NHS: variants seen among roughly 807,000 people sequenced by gnomAD.
NHS encodes the protein NHS actin remodeling regulator.
Under a neutral mutation model 72.5 loss-of-function variants are expected in NHS, and 5 were observed. That is an observed-to-expected ratio of 0.07 (90% CI 0.04 to 0.14). The LOEUF is 0.14. Among genes scored for constraint, NHS ranks in the 10% least tolerant of loss-of-function variants. The probability of loss-of-function intolerance (pLI) is 1.00; values close to 1 mark genes in which losing one functional copy is unlikely to be tolerated. For synonymous variants in NHS, 464 were observed against 547.7 expected (o/e 0.85, Z 2.13); for missense variants, 1,072 against 1,355.7 (o/e 0.79, Z 3.29).
At chrX:17,660,976 C>G (rs905563229) in intron 1 of NHS, among the ~76,000 whole-genome samples, 3 of 112,000 alleles carry the variant, frequency 2.7e-5, no homozygotes, top group Non-Finnish European at 5.6e-5. Flanking sequence ...TCCTTTTGCT[C>G]CAATGGAGCA....
chrX:17,655,887 G>A (rs1300268417), intron 1 of NHS, among the ~76,000 whole-genome samples: 1 of 113,242 alleles, frequency 8.8e-6, no homozygotes, highest in Admixed American at 9.2e-5. Context: ...CTCATCAGAA[G>A]GCAGCATCCA....
At chrX:17,723,726 G>GGTGT (rs3222310) in intron 5 of NHS, among the ~76,000 whole-genome samples, 10,749 of 70,898 alleles carry the variant, frequency 0.15, 826 homozygotes, top group Non-Finnish European at 0.19. Flanking sequence ...CAGCAAAAGA[G>GGTGT]GTGTGTGTGT....
In NHS at chrX:17,724,423, A is replaced by G; in HGVS notation, c.1233A>G (p.Gln411=). Residue 411 remains glutamine, a synonymous_variant, in exon 6 of 9, where the codon CAA becomes CAG. Coordinates refer to ENST00000676302, the MANE Select transcript of NHS (RefSeq NM_001291867.2). The stretch of plus-strand genomic sequence containing the variant: ...CGGGTATCCCCAGAAGAGTTCAACA[A>G]GAAATAGGTGTGATATCAAAAAATG... The part of the protein sequence containing the change: ...TISGIPRRVQ[Q]EIDSDESPVA... The G allele has an allele frequency of 1.7e-6, 2 of 1,211,878 alleles. No homozygotes were observed.
chrX:17,589,187 T>G (rs1411757148), intron 1 of NHS, among the ~76,000 whole-genome samples: 1 of 112,154 alleles, frequency 8.9e-6, no homozygotes, highest in Non-Finnish European at 1.9e-5. Context: ...CATAGGTTTT[T>G]GGGGAACAGG....
intron 1 of NHS, among the ~76,000 whole-genome samples, chrX:17,548,908 C>T (rs952308028): frequency 9.0e-6 from 1 of 111,017 alleles, no homozygotes; most frequent in African/African-American, 3.3e-5. Context: ...ATGCTCTGTT[C>T]TGCATAATGA....
chrX:17,520,831 A>G (rs973270539), intron 1 of NHS, among the ~76,000 whole-genome samples: 1 of 110,510 alleles, frequency 9.0e-6, no homozygotes, highest in African/African-American at 3.3e-5. Context: ...CCCTGCCACC[A>G]CTCTCTTTAT....
intron 1 of NHS, among the ~76,000 whole-genome samples, chrX:17,612,371 C>T (rs918151074): frequency 9.1e-6 from 1 of 110,474 alleles, no homozygotes; most frequent in African/African-American, 3.3e-5. Context: ...CACACTCCCA[C>T]TTCCAAGACC....
intron 1 of NHS, among the ~76,000 whole-genome samples, chrX:17,614,631 C>T (rs749277170): frequency 1.8e-5 from 2 of 111,722 alleles, no homozygotes; most frequent in Non-Finnish European, 3.8e-5. Flanking sequence ...TGTTTCATTT[C>T]CAGTGTTACA....
intron 1 of NHS, among the ~76,000 whole-genome samples, chrX:17,571,727 C>G (rs2065479758): frequency 9.0e-6 from 1 of 111,422 alleles, no homozygotes; most frequent in African/African-American, 3.3e-5. Context: ...TGTGTTTGCT[C>G]TTGCTTCTCT....
chrX:17,417,818 G>A lies in NHS; in HGVS notation c.565+41496G>A, dbSNP rs569751478. Among the ~76,000 whole-genome samples, 10 of 112,338 alleles carry A rather than the reference G, an allele frequency of 8.9e-5. No individual in the cohort carries two copies. In the South Asian group the frequency reaches 3.7e-3, roughly 42 times the overall value. ...ATCTGCATATTCTGTAGAATGTTCT[G>A]TGAACAGTCTAGTGACTTACATTTG... On this transcript the variant is annotated intron_variant, in intron 1 of 8. Transcript: ENST00000676302.
Position 17,726,012 on chromosome X carries a change from G to C in NHS, c.1906G>C (p.Gly636Arg). The change falls in exon 7 of 9, where the codon GGG becomes CGG. Residue 636 changes from glycine (G) to arginine (R), a missense_variant. Gly to Arg is a moderately radical substitution (Grantham distance 125, BLOSUM62 -2). Transcript: ENST00000676302. ...DHQSSSGNWS[G>R]SSSTCPSQTS... ...CCAGTCATCCAGTGGCAACTGGAGT[G>C]GGAGCAGCTCCACGTGCCCCTCGCA... 8.3e-7 allele frequency: 1 copy of C among 1,211,524 alleles called. No individual in the cohort carries two copies. Among genetic ancestry groups the C allele is most frequent in the Non-Finnish European group, 1.1e-6 (1 of 895,398 alleles).
Position 17,687,867 on chromosome X carries a change from C to T in NHS, c.691C>T (p.Arg231Trp), listed in dbSNP as rs749420963. 8 of 1,210,241 alleles carry T rather than the reference C, an allele frequency of 6.6e-6. No homozygotes were observed. Among genetic ancestry groups the T allele is most frequent in the Middle Eastern group, 2.3e-4 (1 of 4,355 alleles). Residue 231 changes from arginine to tryptophan, a missense_variant, in exon 2 of 9, where the codon CGG (arginine) becomes TGG (tryptophan). Arg to Trp is a moderately radical substitution (Grantham distance 101). Transcript: ENST00000676302. ...CGTGGAGGAGCTGCACCGCCACGCCCGGCAGAGCCTGCAAGCCCTGCGCAG... is the reference window on the plus strand; with the variant it reads ...CGTGGAGGAGCTGCACCGCCACGCCTGGCAGAGCCTGCAAGCCCTGCGCAG... ...PCVEELHRHA[R>W]QSLQALRREH...
chrX:17,675,654 C>A (rs1041955091), intron 1 of NHS, among the ~76,000 whole-genome samples: 25 of 112,025 alleles, frequency 2.2e-4, no homozygotes, highest in Non-Finnish European at 3.8e-4. Flanking sequence ...TAGACTCAAG[C>A]TAATTGAGTC....
At chrX:17,722,917 T>C (rs2066414418) in intron 5 of NHS, among the ~76,000 whole-genome samples, 1 of 111,696 alleles carries the variant, frequency 9.0e-6, no homozygotes, top group Non-Finnish European at 1.9e-5. Context: ...GGACACTTTT[T>C]CCTTCTGCTT....
intron 1 of NHS, among the ~76,000 whole-genome samples, chrX:17,519,290 A>G (rs1487649113): frequency 8.9e-6 from 1 of 112,552 alleles, no homozygotes; most frequent in Non-Finnish European, 1.9e-5. Flanking sequence ...ACCTCACAGC[A>G]GAAAAAATCC....
chrX:17,674,892 G>A (rs1470228694), intron 1 of NHS, among the ~76,000 whole-genome samples: 1 of 112,209 alleles, frequency 8.9e-6, no homozygotes, highest in Non-Finnish European at 1.9e-5. Context: ...GTCAAGGAAG[G>A]AAGGGGAGGA....
In NHS at chrX:17,694,172, A is replaced by G. The variant is rs746574086; in HGVS notation, c.852+1704A>G. Among the ~76,000 whole-genome samples, 28 of 112,418 alleles carry G rather than the reference A, an allele frequency of 2.5e-4. 2 individuals carry two copies. The highest frequency in any genetic ancestry group is 2.4e-3 in the Admixed American group (26 of 10,630). ...ATTTACTTACCCAACAAACATCAAT[A>G]AGAGAAGACTATGGATTACACTTAG... On this transcript the variant is annotated intron_variant, in intron 3 of 8. Coordinates refer to ENST00000676302, the MANE Select transcript of NHS (RefSeq NM_001291867.2).
chrX:17,727,245 C>T lies in NHS; in HGVS notation c.3139C>T (p.Pro1047Ser), dbSNP rs577357674. ...AGCTTTCTTTTCAGGTCCATTGTCT[C>T]CCGGAGGTAGCAAAAGAAAACCTAA... is the stretch of plus-strand genomic sequence containing the variant. ...PTAFFSGPLS[P>S]GGSKRKPKVP... is the part of the protein sequence containing the mutation. The change falls in exon 7 of 9, where the codon CCC becomes TCC. Residue 1047 changes from proline to serine, a missense_variant. By Grantham distance (74) the Pro-to-Ser change is moderately conservative. Coordinates refer to ENST00000676302, the MANE Select transcript of NHS (RefSeq NM_001291867.2). The T allele has an allele frequency of 8.3e-7, 1 of 1,211,441 alleles. No individual in the cohort carries two copies. Among genetic ancestry groups the T allele is most frequent in the African/African-American group, 1.7e-5 (1 of 57,806 alleles).
chrX:17,451,530 G>A (rs2064805428), intron 1 of NHS, among the ~76,000 whole-genome samples: 2 of 112,053 alleles, frequency 1.8e-5, no homozygotes, highest in South Asian at 3.7e-4. Context: ...TATTAGGTCC[G>A]TATCATCAGC....
Sources: allele counts gnomAD v4.1 joint callset (sites outside exome capture counted in the v4.1 genomes callset), GRCh38; gene constraint gnomAD v4.1.1; transcripts MANE v1.5; gene names NCBI Gene and HGNC (gene_info 2026-07-23, HGNC 2026-07-21).